The following CCDC141 variants were observed in gnomAD, a reference collection of about 807,000 sequenced individuals.
CCDC141 encodes the protein coiled-coil domain-containing protein 141.
In CCDC141, 168 loss-of-function variants were observed where a neutral mutation model predicts 181.0. That is an observed-to-expected ratio of 0.93 (90% CI 0.82 to 1.05). CCDC141 has a LOEUF of 1.05. CCDC141 is among the 50% of genes least tolerant of loss of function. The pLI, the probability that CCDC141 is intolerant of heterozygous loss-of-function variation, is 0.00. For missense variants in CCDC141, 1,902 were observed against 1,788.5 expected, an observed-to-expected ratio of 1.06 and a Z score of -1.14; for synonymous variants, 666 against 642.3, an observed-to-expected ratio of 1.04 and a Z score of -0.56.
chr2:179,050,056 C>G lies in CCDC141; in HGVS notation c.-115G>C. On this transcript the variant is annotated 5_prime_UTR_variant, in exon 1 of 24. Coordinates refer to ENST00000443758, the MANE Select transcript of CCDC141 (RefSeq NM_173648.4). Reference sequence around the variant, plus strand: ...TCATTCAGGGAAAGAGCTCAGCTCACACTGATTACTCTGCCAAAAGGAAAG... The same window carrying G: ...TCATTCAGGGAAAGAGCTCAGCTCAGACTGATTACTCTGCCAAAAGGAAAG... 6.8e-7 allele frequency: 1 copy of G among 1,460,798 alleles called. No individual in the cohort carries two copies. The highest frequency in any genetic ancestry group is 9.2e-7 in the Non-Finnish European group (1 of 1,091,638). 90.5% of individuals were successfully genotyped at this position (1,460,798 alleles called of 1,614,324 possible). A position where few individuals can be genotyped will look rare whatever the true frequency, so the allele number is the denominator to read the frequency against.
At chr2:178,973,341 T>G (rs1191545893) in intron 4 of CCDC141, among the ~76,000 whole-genome samples, 1 of 152,164 alleles carries the variant, frequency 6.6e-6, no homozygotes, top group Non-Finnish European at 1.5e-5. Context: ...ACTCTCACAA[T>G]AAATATGTCA....
At chr2:178,886,691 A>G in intron 10 of CCDC141, 61 bp downstream of exon 10, 1 of 1,129,592 alleles carries the variant, frequency 8.9e-7, no homozygotes, top group Non-Finnish European at 1.2e-6. Flanking sequence ...ATAGCTATCA[A>G]ATATTTTTAA....
chr2:179,027,645 TCAAAAA>T (rs1333811397), intron 2 of CCDC141, among the ~76,000 whole-genome samples: 4 of 32,874 alleles, frequency 1.2e-4, no homozygotes, highest in Non-Finnish European at 4.8e-5. Flanking sequence ...ACTCTTACTC[TCAAAAA>T]AAAAAAAAAA....
At chr2:178,963,256 T>G (rs1690483853) in intron 4 of CCDC141, among the ~76,000 whole-genome samples, 1 of 152,098 alleles carries the variant, frequency 6.6e-6, no homozygotes, top group Non-Finnish European at 1.5e-5. Context: ...AGAAGCCAAG[T>G]TACCAGGTTG....
chr2:179,046,125 G>A (rs1453115164), intron 2 of CCDC141, among the ~76,000 whole-genome samples: 1 of 152,204 alleles, frequency 6.6e-6, no homozygotes, highest in Non-Finnish European at 1.5e-5. Context: ...TAATATTAAA[G>A]TACTAAAAAT....
chr2:178,945,440 T>C (rs1558998258), intron 5 of CCDC141, among the ~76,000 whole-genome samples: 1 of 152,148 alleles, frequency 6.6e-6, no homozygotes, highest in Non-Finnish European at 1.5e-5. Flanking sequence ...ATAACAGTCA[T>C]GATATCATCA....
intron 2 of CCDC141, among the ~76,000 whole-genome samples, chr2:178,992,291 T>G (rs1440335975): frequency 6.6e-6 from 1 of 151,616 alleles, no homozygotes; most frequent in Non-Finnish European, 1.5e-5. Flanking sequence ...AATATGTTAT[T>G]TTTATTATTG....
intron 8 of CCDC141, among the ~76,000 whole-genome samples, chr2:178,896,361 C>T (rs975130450): frequency 6.6e-6 from 1 of 152,150 alleles, no homozygotes; most frequent in African/African-American, 2.4e-5. Flanking sequence ...GAGCACACTT[C>T]CTTGATGTGC....
At chr2:178,894,504 CAG>C (rs1236545861) in intron 8 of CCDC141, among the ~76,000 whole-genome samples, 4 of 151,794 alleles carry the variant, frequency 2.6e-5, no homozygotes, top group African/African-American at 7.3e-5. Context: ...CTGAGATCAT[CAG>C]AGAGATTAAA....
intron 22 of CCDC141, 24 bp from the exon 23 acceptor site, chr2:178,837,768 A>T: frequency 6.4e-6 from 10 of 1,563,960 alleles, no homozygotes; most frequent in Non-Finnish European, 8.6e-6. Context: ...AAGCCAAATC[A>T]TCCTTATTCA....
chr2:178,991,112 G>T (rs1329848468), intron 2 of CCDC141, among the ~76,000 whole-genome samples: 1 of 152,112 alleles, frequency 6.6e-6, no homozygotes, highest in East Asian at 1.9e-4. Flanking sequence ...TTTTGCCCAC[G>T]ACTGTCACTT....
intron 2 of CCDC141, among the ~76,000 whole-genome samples, chr2:179,027,725 A>C (rs1236969261): frequency 6.8e-6 from 1 of 146,662 alleles, no homozygotes; most frequent in African/African-American, 2.5e-5. Flanking sequence ...CCATCCATGT[A>C]AGATGTGACT....
intron 2 of CCDC141, among the ~76,000 whole-genome samples, chr2:179,041,491 G>GTTTTTTTTT (rs35229059): frequency 5.1e-5 from 3 of 58,864 alleles, no homozygotes; most frequent in Non-Finnish European, 8.6e-5. Flanking sequence ...TTGGTTGTGG[G>GTTTTTTTTT]TTTTTTTTTT....
intron 2 of CCDC141, among the ~76,000 whole-genome samples, chr2:178,992,764 C>T (rs1692114900): frequency 6.6e-6 from 1 of 152,032 alleles, no homozygotes; most frequent in African/African-American, 2.4e-5. Context: ...CCCATAATTC[C>T]CACATGTCAT....
At chr2:178,825,019 A>G (rs961187135), downstream of CCDC141, among the ~76,000 whole-genome samples, 4 of 152,236 alleles carry the variant, frequency 2.6e-5, no homozygotes, top group African/African-American at 7.2e-5. Context: ...TATAAGACCA[A>G]AAATTACTCT....
intron 2 of CCDC141, among the ~76,000 whole-genome samples, chr2:178,980,360 G>A (rs1575296371): frequency 1.3e-5 from 2 of 152,234 alleles, no homozygotes; most frequent in East Asian, 3.9e-4. Flanking sequence ...TGAGGCAGGA[G>A]AATGGCATGA....
chr2:179,002,257 C>T, intron 2 of CCDC141: 1 of 246,032 alleles, frequency 4.1e-6, no homozygotes, highest in South Asian at 4.9e-5. Context: ...GATGTCTTGG[C>T]CCATGACCAT....
At chr2:178,821,208 T>TA in the CCDC141 span, among the ~76,000 whole-genome samples, 2 of 152,158 alleles carry the variant, frequency 1.3e-5, no homozygotes, top group Admixed American at 1.3e-4. Flanking sequence ...TTTGTTTGGG[T>TA]ATACCAAGTT....
intron 7 of CCDC141, among the ~76,000 whole-genome samples, chr2:178,908,207 G>C (rs1688064004): frequency 1.3e-5 from 2 of 151,930 alleles, no homozygotes; most frequent in African/African-American, 4.8e-5. Flanking sequence ...GTTTTGTTTT[G>C]TTTTCTGAGA....
Sources: allele counts gnomAD v4.1 joint callset (sites outside exome capture counted in the v4.1 genomes callset), GRCh38; gene constraint gnomAD v4.1.1; transcripts MANE v1.5; gene names NCBI Gene and HGNC (gene_info 2026-07-23, HGNC 2026-07-21).